The following LANCL1 variants were observed in gnomAD, a reference collection of about 807,000 sequenced individuals.
LANCL1 encodes LanC like glutathione S-transferase 1.
A neutral mutation model predicts 50.6 loss-of-function variants in LANCL1; 50 were observed. The ratio of observed to expected loss-of-function variants is 0.99; its 90% CI spans 0.79 to 1.25. LANCL1 has a LOEUF of 1.25. LANCL1 is among the 50% of genes most tolerant of loss of function. The pLI is 0.00. For synonymous variants in LANCL1, 188 were observed against 178.6 expected, an observed-to-expected ratio of 1.05 and a Z score of -0.42; for missense variants, 532 against 480.7, an observed-to-expected ratio of 1.11 and a Z score of -1.00.
intron 4 of LANCL1, among the ~76,000 whole-genome samples, chr2:210,446,057 C>A (rs944231735): frequency 6.6e-6 from 1 of 152,174 alleles, no homozygotes; most frequent in Non-Finnish European, 1.5e-5. Flanking sequence ...AACATTCCTG[C>A]GTGCCGGCTC....
rs190966211 is a variant in LANCL1 at position 210,436,604 on chromosome 2, C to A, written c.874-212G>T. 1.4e-3 allele frequency among the ~76,000 whole-genome samples: 217 copies of A among 152,246 alleles called. 2 individuals carry two copies. Among genetic ancestry groups the A allele is most frequent in the Middle Eastern group, 3.4e-3 (1 of 294 alleles). The stretch of plus-strand genomic sequence containing the variant: ...AAACTGTGCATGACTTTGGCATGTA[C>A]AGTCTAAGTTTTCTGCACATGTGTG... On this transcript the variant is annotated intron_variant, in intron 7 of 9. Transcript: ENST00000450366.
chr2:210,471,611 G>A (rs1694225580), intron 3 of LANCL1: 1 of 480,194 alleles, frequency 2.1e-6, no homozygotes, highest in African/African-American at 2.0e-5. Flanking sequence ...TCCGCTTCAG[G>A]CATTGTATTT....
chr2:210,447,012 T>C (rs553281866), intron 4 of LANCL1, among the ~76,000 whole-genome samples: 2 of 152,168 alleles, frequency 1.3e-5, no homozygotes, highest in South Asian at 2.1e-4. Flanking sequence ...ACCACAAAGA[T>C]ACTCCTTGAG....
At position 210,464,714 on chromosome 2, in the gene LANCL1, C is replaced by T. The variant is rs947269579; in HGVS notation, c.199+7245G>A. ...GGGCGCGGTGGCTCACGCCTGTAAT[C>T]CCAGCACTTTGGGAGGCTGAGGCGG... On this transcript the variant is annotated intron_variant, in intron 3 of 9. Transcript: ENST00000450366. Among the ~76,000 whole-genome samples, 8 of 146,966 alleles carry T rather than the reference C, an allele frequency of 5.4e-5. 1 individual carries two copies. Among genetic ancestry groups the T allele is most frequent in the African/African-American group, 1.3e-4 (5 of 37,202 alleles).
At chr2:210,446,558 T>A (rs183396646) in intron 4 of LANCL1, among the ~76,000 whole-genome samples, 2 of 151,964 alleles carry the variant, frequency 1.3e-5, no homozygotes, top group Non-Finnish European at 2.9e-5. Context: ...CAAACTCCCC[T>A]GAGCTAAAGG....
chr2:210,441,939 T>C (rs1315518543), intron 4 of LANCL1, among the ~76,000 whole-genome samples: 2 of 151,974 alleles, frequency 1.3e-5, no homozygotes, highest in East Asian at 3.9e-4. Context: ...AGTTTCGCTC[T>C]TCTTGCCCAG....
At chr2:210,463,322 T>G (rs1027292876) in intron 3 of LANCL1, among the ~76,000 whole-genome samples, 2 of 152,174 alleles carry the variant, frequency 1.3e-5, no homozygotes, top group African/African-American at 2.4e-5. Context: ...GCGATTCTCC[T>G]GCTTCAGCCT....
chr2:210,450,788 T>G (rs1220133574), intron 4 of LANCL1, among the ~76,000 whole-genome samples: 2 of 152,156 alleles, frequency 1.3e-5, no homozygotes, highest in Non-Finnish European at 2.9e-5. Flanking sequence ...CGATACCATC[T>G]CAAGCCAGTT....
At chr2:210,454,927 T>C (rs1559714838) in intron 4 of LANCL1, among the ~76,000 whole-genome samples, 180 bp downstream of exon 4, 1 of 152,192 alleles carries the variant, frequency 6.6e-6, no homozygotes, top group East Asian at 1.9e-4. Flanking sequence ...TGCACTAAAA[T>C]AGGGATTATA....
rs1692823853 is a variant in LANCL1 at position 210,433,703 on chromosome 2, TAA to T, written c.*782_*783del. On this transcript the variant is annotated 3_prime_UTR_variant, in exon 10 of 10. Coordinates refer to ENST00000450366, the MANE Select transcript of LANCL1 (RefSeq NM_006055.3). ...ATACTGAAAAACACACATATTTAAA[TAA>T]AGAGTTCCAAAAAACTCAGATTATT... 1 of 152,146 alleles carries T rather than the reference TAA, an allele frequency of 6.6e-6. No individual in the cohort carries two copies. 9.4% of individuals were successfully genotyped at this position (152,146 alleles called of 1,614,324 possible).
At chr2:210,452,945 ATAACT>A (rs1693553883) in intron 4 of LANCL1, among the ~76,000 whole-genome samples, 1 of 152,200 alleles carries the variant, frequency 6.6e-6, no homozygotes, top group Non-Finnish European at 1.5e-5. Flanking sequence ...GGTTTACTAA[ATAACT>A]TATATTAAAT....
At chr2:210,471,506 CCCTGTATGGATT>C (rs925047000) in intron 3 of LANCL1, 54 of 451,994 alleles carry the variant, frequency 1.2e-4, no homozygotes, top group African/African-American at 4.6e-4. Flanking sequence ...TAATACTTTA[CCCTGTATGGATT>C]CCTGTATGGA....
chr2:210,472,083 A>T lies in LANCL1; in HGVS notation c.82-7T>A. ...GTGAGAACTCAGGAGTCAGCTAGATATTAAAGGAAAACAAGTATCAAAATA... is the reference window on the plus strand; with the variant it reads ...GTGAGAACTCAGGAGTCAGCTAGATTTTAAAGGAAAACAAGTATCAAAATA... On this transcript the variant is annotated splice_polypyrimidine_tract_variant and splice_region_variant and intron_variant, in intron 2 of 9. Transcript: ENST00000450366. The T allele has an allele frequency of 6.3e-7, 1 of 1,591,328 alleles. No individual in the cohort carries two copies. Among genetic ancestry groups the T allele is most frequent in the Non-Finnish European group, 8.6e-7 (1 of 1,159,592 alleles).
At chr2:210,457,458 CAG>C (rs1341581392) in intron 3 of LANCL1, among the ~76,000 whole-genome samples, 1 of 152,104 alleles carries the variant, frequency 6.6e-6, no homozygotes, top group East Asian at 1.9e-4. Flanking sequence ...ACCAAAGACT[CAG>C]GGATGGTTGG....
intron 4 of LANCL1, among the ~76,000 whole-genome samples, chr2:210,446,999 A>G (rs988908006): frequency 2.0e-5 from 3 of 151,888 alleles, no homozygotes; most frequent in Non-Finnish European, 2.9e-5. Flanking sequence ...GGAAACAGAA[A>G]GCACCACAAA....
At chr2:210,457,902 C>T (rs1362599882) in intron 3 of LANCL1, among the ~76,000 whole-genome samples, 7 of 152,186 alleles carry the variant, frequency 4.6e-5, no homozygotes, top group Non-Finnish European at 8.8e-5. Context: ...TGGATTTTAG[C>T]TGGGCACAGG....
At chr2:210,468,290 T>C (rs1694128305) in intron 3 of LANCL1, 1 of 151,226 alleles carries the variant, frequency 6.6e-6, no homozygotes. Flanking sequence ...TTCAAAATAT[T>C]TTATAGACAC....
rs1157550670 is a variant in LANCL1, at chr2:210,447,169, A to G, written c.408-5726T>C. Among the ~76,000 whole-genome samples the G allele has an allele frequency of 2.6e-5, 4 of 152,224 alleles. No homozygotes were observed. In the East Asian group the frequency reaches 5.8e-4, roughly 22 times the overall value. ...GTGGATCTCTATGCAGAAACCCCAGAAGCCAGAAGACAGTGGGGGCCAATA... is the reference window on the plus strand; with the variant it reads ...GTGGATCTCTATGCAGAAACCCCAGGAGCCAGAAGACAGTGGGGGCCAATA... On this transcript the variant is annotated intron_variant, in intron 4 of 9. Coordinates refer to ENST00000450366, the MANE Select transcript of LANCL1 (RefSeq NM_006055.3).
Position 210,434,023 on chromosome 2 carries a change from T to C in LANCL1, c.*464A>G, listed in dbSNP as rs1171422181. The C allele has an allele frequency of 6.6e-6, 1 of 152,206 alleles. No individual in the cohort carries two copies. The highest frequency in any genetic ancestry group is 6.5e-5 in the Admixed American group (1 of 15,272). The allele number at this position is 152,206 out of a possible 1,614,324, so 9.4% of individuals were successfully genotyped here. ...CTGTCCCCTTTCAAAATGAACCACC[T>C]AGAGAAAAGCAAGTCAGAAAATTGT... On this transcript the variant is annotated 3_prime_UTR_variant, in exon 10 of 10. Transcript: ENST00000450366.
Sources: gnomAD v4.1 joint callset for allele counts (sites outside exome capture counted in the v4.1 genomes callset) on GRCh38, gnomAD v4.1.1 for gene constraint, MANE v1.5 for transcripts, NCBI Gene and HGNC (gene_info 2026-07-23, HGNC 2026-07-21) for gene names.